CSMD1: variants seen among roughly 807,000 people sequenced by gnomAD.
CSMD1 encodes CUB and Sushi multiple domains 1.
CSMD1 carries 213 observed loss-of-function variants against 417.5 expected under a neutral mutation model. That is an observed-to-expected ratio of 0.51 (90% CI 0.46 to 0.57). The LOEUF (loss-of-function observed/expected upper bound fraction) is 0.57, where lower values mean the gene tolerates loss of function less well. Ranked by LOEUF, CSMD1 falls within the 20% of genes least tolerant of loss-of-function variation. CSMD1 has a pLI of 0.00. For missense variants in CSMD1, 6,923 were observed against 4,529.7 expected (o/e 1.53, Z -15.17); for synonymous variants, 2,862 against 1,736.8 (o/e 1.65, Z -16.11).
chr8:3,519,068 G>C (rs1024666168), intron 10 of CSMD1, among the ~76,000 whole-genome samples: 22 of 152,180 alleles, frequency 1.4e-4, no homozygotes, highest in African/African-American at 5.1e-4. Flanking sequence ...TAAAACCAGA[G>C]TTAAGGAATT....
In CSMD1 at chr8:3,817,252, C is replaced by CTTTTTTTTT. The variant is rs767668610; in HGVS notation, c.819-63219_819-63211dup. Among the ~76,000 whole-genome samples the CTTTTTTTTT allele has an allele frequency of 1.3e-3, 73 of 54,420 alleles. 21 individuals carry two copies. Among genetic ancestry groups the CTTTTTTTTT allele is most frequent in the Middle Eastern group, 0.015 (1 of 66 alleles). The allele number at this position is 54,420 out of a possible 152,430, so 35.7% of individuals were successfully genotyped here. A position where few individuals can be genotyped will look rare whatever the true frequency, so the allele number is the denominator to read the frequency against. On this transcript the variant is annotated intron_variant, in intron 5 of 69. Transcript: ENST00000635120. ...TCCAAAGTGGTCATATCTTCTTCTT[C>CTTTTTTTTT]TTTTTTTTTTTTTTTTTTTTTTTTT...
chr8:3,333,763 T>G (rs995777062), intron 23 of CSMD1, among the ~76,000 whole-genome samples: 2 of 152,226 alleles, frequency 1.3e-5, no homozygotes, highest in African/African-American at 4.8e-5. Flanking sequence ...GAAAAGATGC[T>G]TTGACTCAAT....
intron 1 of CSMD1, among the ~76,000 whole-genome samples, chr8:4,639,419 T>C (rs2130864048): frequency 6.6e-6 from 1 of 152,248 alleles, no homozygotes; most frequent in South Asian, 2.1e-4. Context: ...ACCCTGTAAA[T>C]ATTACTATCC....
chr8:3,809,344 T>C (rs1294099172), intron 5 of CSMD1, among the ~76,000 whole-genome samples: 4 of 152,200 alleles, frequency 2.6e-5, no homozygotes, highest in Non-Finnish European at 5.9e-5. Context: ...TAAATATTTG[T>C]TTACGCACTT....
intron 7 of CSMD1, among the ~76,000 whole-genome samples, chr8:3,627,108 T>C (rs1381219744): frequency 1.3e-5 from 2 of 152,148 alleles, no homozygotes; most frequent in African/African-American, 4.8e-5. Flanking sequence ...AATTAACCTA[T>C]CAATAACTCC....
At chr8:3,567,493 G>A (rs376196515) in intron 10 of CSMD1, among the ~76,000 whole-genome samples, 2 of 127,398 alleles carry the variant, frequency 1.6e-5, no homozygotes, top group Non-Finnish European at 3.2e-5. Context: ...ACAAAAGGAA[G>A]AAAGGAAGGA....
chr8:4,155,617 T>C (rs563302188), intron 3 of CSMD1, among the ~76,000 whole-genome samples: 14 of 152,302 alleles, frequency 9.2e-5, no homozygotes, highest in African/African-American at 2.6e-4. Context: ...AAGGTTTGAT[T>C]TTTTATCACT....
chr8:3,559,199 T>G (rs951624446), intron 10 of CSMD1, among the ~76,000 whole-genome samples: 1 of 152,322 alleles, frequency 6.6e-6, no homozygotes, highest in Non-Finnish European at 1.5e-5. Context: ...GTTTGGGCAA[T>G]AAGTATCAAT....
At chr8:3,662,895 C>G (rs1798492421) in intron 7 of CSMD1, among the ~76,000 whole-genome samples, 1 of 151,988 alleles carries the variant, frequency 6.6e-6, no homozygotes, top group Non-Finnish European at 1.5e-5. Flanking sequence ...GCATGAGAGG[C>G]TTAAAACCTA....
At chr8:4,177,728 TA>T (rs1330994752) in intron 3 of CSMD1, among the ~76,000 whole-genome samples, 1 of 149,408 alleles carries the variant, frequency 6.7e-6, no homozygotes, top group South Asian at 2.2e-4. Context: ...ATAGATGCAA[TA>T]AAAAATGATA....
chr8:4,268,393 AG>A (rs1804357108), intron 3 of CSMD1, among the ~76,000 whole-genome samples: 1 of 152,162 alleles, frequency 6.6e-6, no homozygotes, highest in Non-Finnish European at 1.5e-5. Context: ...TTCTCTCAAG[AG>A]GAAGTAATTA....
chr8:3,821,477 T>C (rs1040035445), intron 5 of CSMD1, among the ~76,000 whole-genome samples: 1 of 150,122 alleles, frequency 6.7e-6, no homozygotes, highest in Non-Finnish European at 1.5e-5. Context: ...TAGGACATTT[T>C]TGGCTCCATT....
At chr8:4,665,656 G>A (rs776767906) in intron 1 of CSMD1, among the ~76,000 whole-genome samples, 32 of 152,020 alleles carry the variant, frequency 2.1e-4, no homozygotes, top group Non-Finnish European at 2.8e-4. Context: ...TTAGCATAAC[G>A]CATTCAAGGT....
chr8:4,057,384 GT>G (rs200799412), intron 3 of CSMD1, among the ~76,000 whole-genome samples: 1 of 151,926 alleles, frequency 6.6e-6, no homozygotes, highest in African/African-American at 2.4e-5. Context: ...GGGGTTATTT[GT>G]TTTTTTCTTG....
chr8:4,813,569 A>C (rs1476742537), intron 1 of CSMD1, among the ~76,000 whole-genome samples: 1 of 152,186 alleles, frequency 6.6e-6, no homozygotes, highest in Admixed American at 6.5e-5. Flanking sequence ...GCCCTAGAGA[A>C]ACATGTTCAT....
intron 1 of CSMD1, chr8:4,787,249 A>G: frequency 3.7e-6 from 2 of 533,666 alleles, no homozygotes; most frequent in South Asian, 2.2e-5. Context: ...TTCCCCGCCC[A>G]GAGATGCTCT....
At chr8:4,507,983 T>C (rs1864515) in intron 2 of CSMD1, among the ~76,000 whole-genome samples, 60,010 of 151,118 alleles carry the variant, frequency 0.4, 12,135 homozygotes, top group East Asian at 0.51. Context: ...GTGAGAATCC[T>C]ACGAACACAG....
intron 1 of CSMD1, among the ~76,000 whole-genome samples, chr8:4,923,876 G>C (rs1427203350): frequency 6.6e-6 from 1 of 152,194 alleles, no homozygotes; most frequent in Admixed American, 6.5e-5. Context: ...ACTATAGGCA[G>C]TATCCAAACT....
At chr8:3,745,627 G>C (rs556914718) in intron 6 of CSMD1, among the ~76,000 whole-genome samples, 60 of 152,310 alleles carry the variant, frequency 3.9e-4, no homozygotes, top group African/African-American at 1.4e-3. Flanking sequence ...ACTCCACTGA[G>C]ACTCTGAAGC....
Sources: gnomAD v4.1 joint callset for allele counts (sites outside exome capture counted in the v4.1 genomes callset) on GRCh38, gnomAD v4.1.1 for gene constraint, MANE v1.5 for transcripts, NCBI Gene and HGNC (gene_info 2026-07-23, HGNC 2026-07-21) for gene names.